BCOR: variants seen among roughly 807,000 people sequenced by gnomAD.
BCOR encodes the protein BCL6 corepressor.
In BCOR, 10 loss-of-function variants were observed where a neutral mutation model predicts 86.7. The observed-to-expected ratio is 0.12, with a 90% CI of 0.07 to 0.20. The LOEUF (loss-of-function observed/expected upper bound fraction) is 0.20, where lower values mean the gene tolerates loss of function less well. Ranked by LOEUF, BCOR falls within the 10% of genes least tolerant of loss-of-function variation. The pLI is 1.00. For synonymous variants in BCOR, 611 were observed against 609.0 expected (o/e 1.00, Z -0.05); for missense variants, 1,259 against 1,452.1 (o/e 0.87, Z 2.16).
rs1935736545 is a variant in BCOR, at chrX:40,075,142, T to C, written c.204A>G (p.Ala68=). The change falls in exon 4 of 15, where the codon GCA becomes GCG. Residue 68 remains alanine (A), a synonymous_variant. Coordinates refer to ENST00000378444, the MANE Select transcript of BCOR (RefSeq NM_001123385.2). ...GGCCAGTGCGGTCCATGCTCAGTGC[T>C]GCCAGGCCATCGATCCTATGGGCCG... ...ASTAHRIDGL[A]ALSMDRTGLI... is the part of the protein sequence containing the mutation. 8.3e-7 allele frequency: 1 copy of C among 1,210,492 alleles called. No homozygotes were observed. The highest frequency in any genetic ancestry group is 1.1e-6 in the Non-Finnish European group (1 of 895,159).
Position 40,074,141 on chromosome X carries a change from C to A in BCOR, c.1205G>T (p.Gly402Val). Reference protein sequence around the residue: ...KYPKAPEGGEGAQPVPGHARK... With the variant: ...KYPKAPEGGEVAQPVPGHARK... ...GGCATGCCCGGGCACTGGCTGGGCA[C>A]CTTCGCCCCCTTCCGGAGCCTTGGG... The change falls in exon 4 of 15, where the codon GGT (glycine) becomes GTT (valine). Residue 402 changes from glycine (G) to valine (V), a missense_variant. Gly to Val is a moderately radical substitution (Grantham distance 109, BLOSUM62 -3). This residue lies in a region of BCOR where 534 missense variants were observed against 594.8 expected (regional missense o/e 0.90). Transcript: ENST00000378444. 1 of 1,212,161 alleles carries A rather than the reference C, an allele frequency of 8.2e-7. No individual in the cohort carries two copies. The highest frequency in any genetic ancestry group is 1.1e-6 in the Non-Finnish European group (1 of 895,563).
Position 40,076,473 on chromosome X carries a change from T to C in BCOR, c.146A>G (p.Asn49Ser). Residue 49 changes from asparagine (N) to serine (S), a missense_variant, in exon 3 of 15, where the codon AAT becomes AGT. Around this residue, in one of 7 missense-constraint regions of BCOR, gnomAD observed 174 missense variants for 189.3 expected, o/e 0.92. Transcript: ENST00000378444. ...TCTTACCACGTTGTGGTTCAAGGGA[T>C]TCTCTTCCCTCAGTTCCAGTCTGGC... ...SKARLELREE[N>S]PLNHNVVDAS... The C allele has an allele frequency of 8.3e-7, 1 of 1,206,324 alleles. No homozygotes were observed. Among genetic ancestry groups the C allele is most frequent in the Non-Finnish European group, 1.1e-6 (1 of 890,835 alleles).
intron 6 of BCOR, among the ~76,000 whole-genome samples, chrX:40,065,429 T>G (rs896096490): frequency 1.8e-5 from 2 of 112,621 alleles, no homozygotes; most frequent in East Asian, 5.6e-4. Flanking sequence ...CTGACACTCC[T>G]CTTCACACCC....
At chrX:40,148,450 G>A (rs1426547512) in intron 1 of BCOR, among the ~76,000 whole-genome samples, 1 of 110,913 alleles carries the variant, frequency 9.0e-6, no homozygotes, top group Non-Finnish European at 1.9e-5. Context: ...TCCCTGCTGG[G>A]CCTCCTCCAA....
intron 5 of BCOR, 138 bp from the exon 6 acceptor site, chrX:40,071,297 A>G: frequency 3.3e-6 from 2 of 612,450 alleles, no homozygotes; most frequent in Non-Finnish European, 2.5e-6. Context: ...TGTAACTCAG[A>G]TATTTTAAAG....
intron 3 of BCOR, 129 bp from the exon 4 acceptor site, chrX:40,075,309 C>CGGG: frequency 8.3e-6 from 2 of 241,135 alleles, no homozygotes; most frequent in South Asian, 5.5e-5. Context: ...AGACAGGCTT[C>CGGG]CGGCGGGGCG....
At chrX:40,131,680 CTG>C (rs760911270) in intron 1 of BCOR, among the ~76,000 whole-genome samples, 1 of 111,175 alleles carries the variant, frequency 9.0e-6, no homozygotes, top group Non-Finnish European at 1.9e-5. Flanking sequence ...GGAGACAAGA[CTG>C]AGAAAAACGG....
Position 40,080,949 on chromosome X carries a change from GCA to G in BCOR, c.-40-2982_-40-2981del, listed in dbSNP as rs1197866809. ...TTGTTGGATCCTGCTGTGGACTTAC[GCA>G]CACACGTGCACGCACGCACACGCGC... On this transcript the variant is annotated intron_variant, in intron 1 of 14. Coordinates refer to ENST00000378444, the MANE Select transcript of BCOR (RefSeq NM_001123385.2). 3.1e-3 allele frequency among the ~76,000 whole-genome samples: 277 copies of G among 88,296 alleles called. 2 individuals carry two copies. Among genetic ancestry groups the G allele is most frequent in the African/African-American group, 0.01 (247 of 24,238 alleles). 76.7% of individuals were successfully genotyped at this position (88,296 alleles called of 115,157 possible).
intron 1 of BCOR, among the ~76,000 whole-genome samples, chrX:40,082,434 G>A (rs904492576): frequency 1.8e-5 from 2 of 111,513 alleles, no homozygotes; most frequent in African/African-American, 6.5e-5. Context: ...TCTTTTCTTG[G>A]GATCTCTCTC....
chrX:40,070,398 G>A (rs1188966160), intron 6 of BCOR, among the ~76,000 whole-genome samples: 1 of 111,886 alleles, frequency 8.9e-6, no homozygotes, highest in Non-Finnish European at 1.9e-5. Context: ...CAAAGGGAGT[G>A]TACTGAGGAA....
chrX:40,147,480 T>C lies in BCOR; in HGVS notation c.-41+29527A>G, dbSNP rs1052507581. 6.3e-5 allele frequency among the ~76,000 whole-genome samples: 7 copies of C among 111,735 alleles called. No homozygotes were observed. In the Admixed American group the frequency reaches 6.6e-4, roughly 10 times the overall value. ...CGGGATGCGTCTGCCTAAGGCGAGG[T>C]GGGGAGAAGGAGAGCGCAAGAAGTG... On this transcript the variant is annotated intron_variant, in intron 1 of 14. Transcript: ENST00000342274.
At chrX:40,078,322 G>A (rs774981232) in intron 1 of BCOR, among the ~76,000 whole-genome samples, 1 of 112,401 alleles carries the variant, frequency 8.9e-6, no homozygotes. Context: ...TGTTAAAGAA[G>A]GTAAAGAAGA....
At chrX:40,066,156 C>T (rs926462077) in intron 6 of BCOR, among the ~76,000 whole-genome samples, 5 of 111,756 alleles carry the variant, frequency 4.5e-5, no homozygotes, top group African/African-American at 1.6e-4. Flanking sequence ...GACTGGGATT[C>T]GGCACCCAAG....
chrX:40,063,960 A>G lies in BCOR; in HGVS notation c.3503-8T>C, dbSNP rs1414261941. The G allele has an allele frequency of 1.7e-6, 2 of 1,156,497 alleles. No individual in the cohort carries two copies. The highest frequency in any genetic ancestry group is 2.3e-6 in the Non-Finnish European group (2 of 858,644). ...CCCTCTCAGGCCAGTCATCTAATGG[A>G]GAAATAACTACAAATTAATCAAAAA... On this transcript the variant is annotated splice_region_variant and splice_polypyrimidine_tract_variant and intron_variant, in intron 7 of 14. Transcript: ENST00000378444.
intron 1 of BCOR, among the ~76,000 whole-genome samples, chrX:40,119,367 T>G (rs1452612044): frequency 9.2e-6 from 1 of 109,275 alleles, no homozygotes; most frequent in Non-Finnish European, 1.9e-5. Flanking sequence ...AAGGTTTTAA[T>G]CTGAGTTGTT....
chrX:40,176,567 G>A (rs906630160), intron 1 of BCOR, among the ~76,000 whole-genome samples: 2 of 112,764 alleles, frequency 1.8e-5, no homozygotes, highest in Non-Finnish European at 1.9e-5. Flanking sequence ...CGCCCCGGGA[G>A]CCCGCTTCCG....
At chrX:40,132,853 C>T (rs1270083122) in intron 1 of BCOR, among the ~76,000 whole-genome samples, 6 of 112,362 alleles carry the variant, frequency 5.3e-5, no homozygotes, top group Admixed American at 2.8e-4. Context: ...CCTGGCTGTG[C>T]GTCAGAGTCA....
At chrX:40,079,343 T>C (rs1935969745) in intron 1 of BCOR, among the ~76,000 whole-genome samples, 1 of 112,432 alleles carries the variant, frequency 8.9e-6, no homozygotes, top group South Asian at 3.6e-4. Context: ...TCGGTTGGGT[T>C]GGAGGCACCA....
Position 40,055,469 on chromosome X carries a change from C to T in BCOR, c.4640G>A (p.Arg1547Gln), listed in dbSNP as rs1934545513. 8.3e-7 allele frequency: 1 copy of T among 1,211,305 alleles called. No homozygotes were observed. The highest frequency in any genetic ancestry group is 1.1e-6 in the Non-Finnish European group (1 of 895,164). ...GTCAGCACCATAAGAGAGAAGTAGT[C>T]GGACAATTTCCAAGTGATCGTTCTC... The part of the protein sequence containing the change: ...AVENDHLEIV[R>Q]LLLSYGADPT... Residue 1547 changes from arginine (R) to glutamine (Q), a missense_variant, in exon 12 of 15, where the codon CGA becomes CAA. Around this residue, in one of 7 missense-constraint regions of BCOR, gnomAD observed 47 missense variants for 102.1 expected, o/e 0.46. Transcript: ENST00000378444.
Sources: allele counts gnomAD v4.1 joint callset (sites outside exome capture counted in the v4.1 genomes callset), GRCh38; gene constraint gnomAD v4.1.1; regional missense constraint gnomAD v4.1.1; transcripts MANE v1.5; gene names NCBI Gene and HGNC (gene_info 2026-07-23, HGNC 2026-07-21).